KIF6: variants seen among roughly 807,000 people sequenced by gnomAD.
The protein encoded by KIF6 is kinesin-like protein KIF6.
Under a neutral mutation model 112.7 loss-of-function variants are expected in KIF6, and 106 were observed. The observed-to-expected ratio is 0.94, with a 90% CI of 0.80 to 1.11. The LOEUF (loss-of-function observed/expected upper bound fraction) is 1.11, where lower values mean the gene tolerates loss of function less well. KIF6 is among the 50% of genes least tolerant of loss of function. The pLI is 0.00. For missense variants in KIF6, 929 were observed against 964.0 expected (o/e 0.96, Z 0.48); for synonymous variants, 339 against 339.9 (o/e 1.00, Z 0.03).
chr6:39,469,621 G>C (rs1345989932), intron 13 of KIF6, among the ~76,000 whole-genome samples: 1 of 152,116 alleles, frequency 6.6e-6, no homozygotes, highest in Non-Finnish European at 1.5e-5. Context: ...TTGTCATATA[G>C]GTAAACTTGT....
intron 3 of KIF6, among the ~76,000 whole-genome samples, chr6:39,689,610 T>C (rs1237687517): frequency 6.6e-6 from 1 of 152,192 alleles, no homozygotes; most frequent in Non-Finnish European, 1.5e-5. Context: ...TTTTCTTTTT[T>C]TTCAGAGGGC....
chr6:39,562,049 AG>A (rs1299537727), intron 10 of KIF6, among the ~76,000 whole-genome samples: 2 of 152,252 alleles, frequency 1.3e-5, no homozygotes, highest in African/African-American at 2.4e-5. Context: ...TTTGACCCAA[AG>A]GGTGGCTAAT....
chr6:39,406,307 T>C (rs1769088265), intron 15 of KIF6, among the ~76,000 whole-genome samples: 1 of 152,212 alleles, frequency 6.6e-6, no homozygotes, highest in Non-Finnish European at 1.5e-5. Context: ...CTTGCTAGGC[T>C]GATATCCCCT....
chr6:39,434,469 G>A (rs1771386016), intron 13 of KIF6, among the ~76,000 whole-genome samples: 1 of 151,974 alleles, frequency 6.6e-6, no homozygotes, highest in Admixed American at 6.6e-5. Context: ...TACTTGGGAG[G>A]CTGAGGCAGG....
intron 3 of KIF6, among the ~76,000 whole-genome samples, chr6:39,640,823 C>A (rs925397591): frequency 6.6e-6 from 1 of 152,152 alleles, no homozygotes; most frequent in Non-Finnish European, 1.5e-5. Flanking sequence ...CCACCTTATG[C>A]AACTATTAAA....
At position 39,333,503 on chromosome 6, in the gene KIF6, G is replaced by T. The variant is rs1228657382; in HGVS notation, c.*3029C>A. ...AAGGGGCAGCAGCTACCCATGGCAT[G>T]TTCATCCCAAGAGAGATCACTGGAG... On this transcript the variant is annotated 3_prime_UTR_variant, in exon 23 of 23. Coordinates refer to ENST00000287152, the MANE Select transcript of KIF6 (RefSeq NM_145027.6). 17 of 152,210 alleles carry T rather than the reference G, an allele frequency of 1.1e-4. No individual in the cohort carries two copies. The highest frequency in any genetic ancestry group is 1.1e-3 in the Admixed American group (17 of 15,276). 9.4% of individuals were successfully genotyped at this position (152,210 alleles called of 1,614,324 possible). A position where few individuals can be genotyped will look rare whatever the true frequency, so the allele number is the denominator to read the frequency against.
chr6:39,360,285 T>G (rs1057451600), intron 18 of KIF6, 110 bp downstream of exon 18: 1 of 1,268,368 alleles, frequency 7.9e-7, no homozygotes, highest in Non-Finnish European at 1.1e-6. Flanking sequence ...GAGCAGGGGC[T>G]GAGACCATGG....
chr6:39,663,004 C>T (rs1786256007), intron 3 of KIF6, among the ~76,000 whole-genome samples: 1 of 152,004 alleles, frequency 6.6e-6, no homozygotes, highest in African/African-American at 2.4e-5. Flanking sequence ...AATTGATCCT[C>T]CCACTTCAGC....
intron 13 of KIF6, among the ~76,000 whole-genome samples, chr6:39,501,092 A>C (rs1776105202): frequency 6.6e-6 from 1 of 152,082 alleles, no homozygotes; most frequent in Non-Finnish European, 1.5e-5. Context: ...AGAATGAAGA[A>C]AAGGGTGACG....
At chr6:39,376,671 A>C (rs1766465161) in intron 16 of KIF6, among the ~76,000 whole-genome samples, 1 of 152,238 alleles carries the variant, frequency 6.6e-6, no homozygotes, top group East Asian at 1.9e-4. Context: ...GACACAGACT[A>C]ATCATCACTG....
intron 10 of KIF6, among the ~76,000 whole-genome samples, chr6:39,563,170 A>G (rs1334320534): frequency 6.6e-6 from 1 of 152,056 alleles, no homozygotes; most frequent in Non-Finnish European, 1.5e-5. Context: ...GAACCCAGGA[A>G]GTGGTGGTTT....
intron 4 of KIF6, among the ~76,000 whole-genome samples, chr6:39,637,715 C>T (rs1784697994): frequency 6.6e-6 from 1 of 152,038 alleles, no homozygotes; most frequent in South Asian, 2.1e-4. Flanking sequence ...TATGAACAAA[C>T]TTCATGATGC....
chr6:39,677,488 T>C (rs1787219702), intron 3 of KIF6, among the ~76,000 whole-genome samples: 1 of 150,550 alleles, frequency 6.6e-6, no homozygotes, highest in African/African-American at 2.4e-5. Context: ...TTTTTAGTTA[T>C]TAAAAAGACT....
In KIF6 at chr6:39,598,573, A is replaced by G. The variant is rs991411495; in HGVS notation, c.640-2313T>C. Among the ~76,000 whole-genome samples, 10 of 137,604 alleles carry G rather than the reference A, an allele frequency of 7.3e-5. No individual in the cohort carries two copies. In the South Asian group the frequency reaches 8.1e-4, roughly 11 times the overall value. 90.3% of individuals were successfully genotyped at this position (137,604 alleles called of 152,430 possible). On this transcript the variant is annotated intron_variant, in intron 6 of 22. Coordinates refer to ENST00000287152, the MANE Select transcript of KIF6 (RefSeq NM_145027.6). Reference sequence around the variant, plus strand: ...AGAGAAATCTTGGGCAGGTATACATATATATGTGTGTGTGTGTGTGTGTGT... The same window carrying G: ...AGAGAAATCTTGGGCAGGTATACATGTATATGTGTGTGTGTGTGTGTGTGT...
intron 21 of KIF6, among the ~76,000 whole-genome samples, chr6:39,345,110 C>A (rs1321469882): frequency 6.6e-6 from 1 of 152,254 alleles, no homozygotes; most frequent in Non-Finnish European, 1.5e-5. Flanking sequence ...CTCTGCACAG[C>A]AGGAGGTGGT....
chr6:39,463,323 CA>C (rs1773590139), intron 13 of KIF6, among the ~76,000 whole-genome samples: 2 of 152,250 alleles, frequency 1.3e-5, no homozygotes, highest in South Asian at 4.2e-4. Flanking sequence ...AATCTGCCTC[CA>C]GCCTCATCAA....
intron 3 of KIF6, among the ~76,000 whole-genome samples, chr6:39,699,157 G>T (rs890765134): frequency 6.6e-6 from 1 of 152,126 alleles, no homozygotes; most frequent in African/African-American, 2.4e-5. Flanking sequence ...GAGGAGATAG[G>T]TAATGTACAA....
Position 39,502,914 on chromosome 6 carries a change from T to C in KIF6, c.1645+37089A>G, listed in dbSNP as rs184514114. 9.9e-5 allele frequency among the ~76,000 whole-genome samples: 15 copies of C among 152,226 alleles called. No individual in the cohort carries two copies. In the East Asian group the frequency reaches 2.9e-3, roughly 29 times the overall value. ...GTAGGGGGAGACTGTAACACCCCGC[T>C]GACAATATTAGATCATTGAGACAGA... is the stretch of plus-strand genomic sequence containing the variant. On this transcript the variant is annotated intron_variant, in intron 13 of 22. Coordinates refer to ENST00000287152, the MANE Select transcript of KIF6 (RefSeq NM_145027.6).
At chr6:39,424,631 C>A (rs1461652492) in intron 14 of KIF6, among the ~76,000 whole-genome samples, 1 of 152,224 alleles carries the variant, frequency 6.6e-6, no homozygotes, top group East Asian at 1.9e-4. Flanking sequence ...GGGTCTCAGG[C>A]TCTTCATTTC....
Sources: allele counts gnomAD v4.1 joint callset (sites outside exome capture counted in the v4.1 genomes callset), GRCh38; gene constraint gnomAD v4.1.1; transcripts MANE v1.5; gene names NCBI Gene and HGNC (gene_info 2026-07-23, HGNC 2026-07-21).